Variants in MYO3B observed in about 807,000 individuals in gnomAD.
MYO3B encodes the protein myosin-IIIb.
Under a neutral mutation model 174.6 loss-of-function variants are expected in MYO3B, and 156 were observed. The observed-to-expected ratio is 0.89, with a 90% CI of 0.78 to 1.02. The LOEUF is 1.02. Ranked by LOEUF, MYO3B falls within the 50% of genes least tolerant of loss-of-function variation. The pLI is 0.00. For synonymous variants in MYO3B, 563 were observed against 569.1 expected, an observed-to-expected ratio of 0.99 and a Z score of 0.15; for missense variants, 1,632 against 1,639.4, an observed-to-expected ratio of 1.00 and a Z score of 0.08.
At chr2:170,434,283 G>T (rs1048191530) in intron 22 of MYO3B, among the ~76,000 whole-genome samples, 2 of 151,918 alleles carry the variant, frequency 1.3e-5, no homozygotes, top group African/African-American at 4.8e-5. Flanking sequence ...TCAACCTCCC[G>T]GGCTCAACTT....
intron 7 of MYO3B, among the ~76,000 whole-genome samples, chr2:170,276,593 C>A (rs1253804438): frequency 6.6e-6 from 1 of 152,034 alleles, no homozygotes; most frequent in Non-Finnish European, 1.5e-5. Context: ...ATTAGAAACA[C>A]AAAAATAAAT....
chr2:170,574,625 C>T (rs527978072), intron 32 of MYO3B, among the ~76,000 whole-genome samples: 4 of 152,228 alleles, frequency 2.6e-5, no homozygotes, highest in South Asian at 2.1e-4. Flanking sequence ...AGTTAAAACA[C>T]GATTCTCTTG....
intron 16 of MYO3B, among the ~76,000 whole-genome samples, chr2:170,398,998 C>A (rs2094457292): frequency 6.6e-6 from 1 of 152,074 alleles, no homozygotes; most frequent in African/African-American, 2.4e-5. Context: ...GGAATCCCAG[C>A]ACTTTGGGAG....
At chr2:170,543,864 A>T in intron 31 of MYO3B, 28 bp from the exon 32 acceptor site, 1 of 1,584,874 alleles carries the variant, frequency 6.3e-7, no homozygotes. Context: ...GATAAGAATA[A>T]TATTTCTCTT....
At chr2:170,373,815 G>A (rs2094266576) in intron 9 of MYO3B, among the ~76,000 whole-genome samples, 1 of 135,438 alleles carries the variant, frequency 7.4e-6, no homozygotes, top group Non-Finnish European at 1.6e-5. Context: ...GGAAATTCAT[G>A]TTGAATGGCC....
Position 170,392,369 on chromosome 2 carries a change from C to T in MYO3B, c.1677-12C>T. On this transcript the variant is annotated splice_polypyrimidine_tract_variant and intron_variant, in intron 15 of 34. Coordinates refer to ENST00000408978, the MANE Select transcript of MYO3B (RefSeq NM_138995.5). ...GTGCTCATTCTGTTTGGTCATGCTC[C>T]ACTTCATTTAGGTACATAGCTGATG... 1 of 1,562,134 alleles carries T rather than the reference C, an allele frequency of 6.4e-7. No homozygotes were observed. The highest frequency in any genetic ancestry group is 8.7e-7 in the Non-Finnish European group (1 of 1,144,026).
intron 1 of MYO3B, among the ~76,000 whole-genome samples, chr2:170,192,917 A>G (rs1198596461): frequency 6.6e-6 from 1 of 151,728 alleles, no homozygotes; most frequent in Non-Finnish European, 1.5e-5. Context: ...TTTTCTTGGA[A>G]TGTATTGAGG....
intron 17 of MYO3B, among the ~76,000 whole-genome samples, chr2:170,400,813 G>A (rs2094470942): frequency 6.6e-6 from 1 of 151,608 alleles, no homozygotes. Flanking sequence ...TTCTATGGCA[G>A]GTAATTTTGA....
intron 28 of MYO3B, among the ~76,000 whole-genome samples, chr2:170,504,727 C>T (rs537977374): frequency 6.6e-6 from 1 of 152,298 alleles, no homozygotes; most frequent in Admixed American, 6.5e-5. Flanking sequence ...GTCTAGGAGC[C>T]ACCATTTCAA....
At chr2:170,328,858 A>G (rs1203647541) in intron 7 of MYO3B, among the ~76,000 whole-genome samples, 4 of 152,160 alleles carry the variant, frequency 2.6e-5, no homozygotes, top group African/African-American at 9.7e-5. Context: ...ACTCTCAACT[A>G]TATTATAAAA....
intron 9 of MYO3B, among the ~76,000 whole-genome samples, chr2:170,379,876 G>T (rs2094322800): frequency 6.6e-6 from 1 of 152,210 alleles, no homozygotes; most frequent in Admixed American, 6.5e-5. Flanking sequence ...ATCAGTGATG[G>T]AGATTGAAAG....
Position 170,595,194 on chromosome 2 carries a change from G to T in MYO3B, c.3733+51206G>T, listed in dbSNP as rs117694804. Among the ~76,000 whole-genome samples, 65 of 152,272 alleles carry T rather than the reference G, an allele frequency of 4.3e-4. 1 individual carries two copies. In the East Asian group the frequency reaches 0.012, roughly 27 times the overall value. On this transcript the variant is annotated intron_variant, in intron 32 of 34. Transcript: ENST00000408978. ...TTGCAGGGTTGTGGTGAGGAGTAAAGGTAGTACATGCCAATCACACCAGGT... is the reference window on the plus strand; with the variant it reads ...TTGCAGGGTTGTGGTGAGGAGTAAATGTAGTACATGCCAATCACACCAGGT...
chr2:170,322,154 G>C (rs941765478), intron 7 of MYO3B, among the ~76,000 whole-genome samples: 23 of 147,582 alleles, frequency 1.6e-4, no homozygotes, highest in African/African-American at 5.7e-4. Context: ...CTATAATATA[G>C]CACAGTTCCT....
At chr2:170,632,215 T>C (rs574320156) in intron 32 of MYO3B, among the ~76,000 whole-genome samples, 4 of 152,252 alleles carry the variant, frequency 2.6e-5, no homozygotes, top group East Asian at 1.9e-4. Context: ...TGTTCCAAAA[T>C]TGACCACATA....
chr2:170,291,152 G>A (rs1217987387), intron 7 of MYO3B, among the ~76,000 whole-genome samples: 2 of 152,024 alleles, frequency 1.3e-5, no homozygotes, highest in Non-Finnish European at 2.9e-5. Context: ...GGGAGGCTGA[G>A]GCAGGAGAAT....
At position 170,503,448 on chromosome 2, in the gene MYO3B, A is replaced by C. The variant is rs188183495; in HGVS notation, c.3370+1583A>C. Among the ~76,000 whole-genome samples the C allele has an allele frequency of 3.7e-5, 5 of 136,000 alleles. No homozygotes were observed. The East Asian group carries it at 1.1e-3, about 30-fold the overall frequency. The allele number at this position is 136,000 out of a possible 152,430, so 89.2% of individuals were successfully genotyped here. ...AAACTTTAAAAAGCATGTTTCTTTA[A>C]GGGTGTCTCCCTTTTTTTTTTTTTT... On this transcript the variant is annotated intron_variant, in intron 28 of 34. Transcript: ENST00000408978.
intron 25 of MYO3B, among the ~76,000 whole-genome samples, chr2:170,481,734 T>C (rs1018092368): frequency 1.3e-5 from 2 of 152,122 alleles, no homozygotes; most frequent in Non-Finnish European, 2.9e-5. Context: ...ACATCTACCT[T>C]CTAGGGGCAG....
chr2:170,515,180 T>C (rs1688230987), intron 29 of MYO3B, among the ~76,000 whole-genome samples, 158 bp downstream of exon 29: 1 of 152,228 alleles, frequency 6.6e-6, no homozygotes, highest in African/African-American at 2.4e-5. Flanking sequence ...AGGCCAACCT[T>C]GCAGAGGACT....
chr2:170,220,128 G>A (rs1449099602), intron 6 of MYO3B, among the ~76,000 whole-genome samples: 2 of 151,768 alleles, frequency 1.3e-5, no homozygotes, highest in African/African-American at 4.8e-5. Context: ...CATGGTGGCG[G>A]GTGCCTGTAG....
Sources: allele counts gnomAD v4.1 joint callset (sites outside exome capture counted in the v4.1 genomes callset), GRCh38; gene constraint gnomAD v4.1.1; transcripts MANE v1.5; gene names NCBI Gene and HGNC (gene_info 2026-07-23, HGNC 2026-07-21).